LRRTM4: variants seen among roughly 807,000 people sequenced by gnomAD.
The protein encoded by LRRTM4 is leucine rich repeat transmembrane neuronal 4.
LRRTM4 carries 25 observed loss-of-function variants against 47.6 expected under a neutral mutation model. That is an observed-to-expected ratio of 0.53 (90% confidence interval 0.38 to 0.73). The LOEUF is 0.73. LRRTM4 is among the 30% of genes least tolerant of loss of function. LRRTM4 has a pLI of 0.00. For missense variants in LRRTM4, 638 were observed against 713.4 expected (o/e 0.89, Z 1.20); for synonymous variants, 311 against 269.5 (o/e 1.15, Z -1.51).
intron 3 of LRRTM4, among the ~76,000 whole-genome samples, chr2:77,211,010 C>A (rs1181735366): frequency 2.0e-5 from 3 of 152,134 alleles, no homozygotes; most frequent in Non-Finnish European, 4.4e-5. Flanking sequence ...ATGACTCCAA[C>A]AGAAAAAAGC....
chr2:77,073,988 T>A (rs1445904583), intron 3 of LRRTM4, among the ~76,000 whole-genome samples: 1 of 152,108 alleles, frequency 6.6e-6, no homozygotes, highest in Non-Finnish European at 1.5e-5. Context: ...TTCTACATGG[T>A]TCTTCTTATA....
intron 3 of LRRTM4, among the ~76,000 whole-genome samples, chr2:76,954,304 T>A (rs1675598417): frequency 6.6e-6 from 1 of 151,144 alleles, no homozygotes; most frequent in African/African-American, 2.4e-5. Flanking sequence ...ACCAATAAGC[T>A]CAGAAAACAA....
intron 3 of LRRTM4, among the ~76,000 whole-genome samples, chr2:77,325,644 G>A (rs1670740873): frequency 6.6e-6 from 1 of 152,118 alleles, no homozygotes; most frequent in African/African-American, 2.4e-5. Context: ...TATGTTGAGT[G>A]TGGGAACTTT....
At chr2:77,098,187 T>G (rs2103904271) in intron 3 of LRRTM4, among the ~76,000 whole-genome samples, 1 of 152,114 alleles carries the variant, frequency 6.6e-6, no homozygotes, top group Non-Finnish European at 1.5e-5. Context: ...AAAAAAATTT[T>G]GTGGAAGAAG....
At chr2:76,881,041 TG>T (rs372537140) in intron 3 of LRRTM4, among the ~76,000 whole-genome samples, 32 of 152,262 alleles carry the variant, frequency 2.1e-4, no homozygotes, top group African/African-American at 7.2e-4. Context: ...TACCGTAGGA[TG>T]GCTATAGTTG....
intron 3 of LRRTM4, among the ~76,000 whole-genome samples, chr2:77,068,613 A>G (rs974068353): frequency 1.3e-5 from 2 of 152,192 alleles, no homozygotes; most frequent in African/African-American, 4.8e-5. Flanking sequence ...ACGTTCTTCT[A>G]TGTTATAGCA....
chr2:76,758,860 G>A (rs1227846513), intron 3 of LRRTM4, among the ~76,000 whole-genome samples: 2 of 152,220 alleles, frequency 1.3e-5, no homozygotes, highest in East Asian at 1.9e-4. Context: ...AACCCATACA[G>A]TCTCTACCAT....
At chr2:76,874,997 C>T (rs185639134) in intron 3 of LRRTM4, among the ~76,000 whole-genome samples, 1 of 151,882 alleles carries the variant, frequency 6.6e-6, no homozygotes, top group Non-Finnish European at 1.5e-5. Context: ...AGCTTATATG[C>T]CTGCCAATAT....
intron 3 of LRRTM4, among the ~76,000 whole-genome samples, chr2:76,909,509 T>C (rs1357324303): frequency 6.6e-6 from 1 of 151,874 alleles, no homozygotes; most frequent in Non-Finnish European, 1.5e-5. Context: ...CTCATTAAAC[T>C]AAAGAGCTTC....
intron 3 of LRRTM4, among the ~76,000 whole-genome samples, chr2:77,374,035 C>T (rs761256205): frequency 2.2e-4 from 33 of 151,792 alleles, no homozygotes; most frequent in Non-Finnish European, 3.2e-4. Context: ...CACTTTTCCA[C>T]TGGCTAAGAT....
chr2:77,431,022 G>A (rs1675354163), intron 3 of LRRTM4, among the ~76,000 whole-genome samples: 1 of 148,802 alleles, frequency 6.7e-6, no homozygotes, highest in Admixed American at 6.6e-5. Flanking sequence ...TTTAGACTCT[G>A]GAACTGGCAT....
At chr2:77,370,491 C>T (rs1193436466) in intron 3 of LRRTM4, among the ~76,000 whole-genome samples, 2 of 151,428 alleles carry the variant, frequency 1.3e-5, no homozygotes, top group Admixed American at 6.6e-5. Flanking sequence ...TTCTCAGTGG[C>T]TTCACTCATT....
intron 3 of LRRTM4, among the ~76,000 whole-genome samples, chr2:77,035,126 A>G (rs904854570): frequency 1.3e-5 from 2 of 151,658 alleles, no homozygotes; most frequent in African/African-American, 4.8e-5. Context: ...GGTTTGTTAC[A>G]TATGTATACA....
intron 3 of LRRTM4, among the ~76,000 whole-genome samples, chr2:77,011,165 T>C (rs1677857383): frequency 6.6e-6 from 1 of 152,068 alleles, no homozygotes; most frequent in African/African-American, 2.4e-5. Flanking sequence ...AAGAAAGAGA[T>C]AAAAATAGTT....
At chr2:77,423,966 C>T (rs974753871) in intron 3 of LRRTM4, among the ~76,000 whole-genome samples, 3 of 152,038 alleles carry the variant, frequency 2.0e-5, no homozygotes, top group Non-Finnish European at 4.4e-5. Context: ...CAGCTGTATC[C>T]ATTAAGCTGT....
chr2:77,155,734 T>A (rs2103795106), intron 3 of LRRTM4, among the ~76,000 whole-genome samples: 1 of 152,176 alleles, frequency 6.6e-6, no homozygotes, highest in African/African-American at 2.4e-5. Flanking sequence ...TCTGGAAGGT[T>A]ACGGGAGGGG....
At chr2:77,335,069 T>C (rs544381916) in intron 3 of LRRTM4, among the ~76,000 whole-genome samples, 17 of 152,344 alleles carry the variant, frequency 1.1e-4, no homozygotes, top group East Asian at 1.9e-4. Flanking sequence ...TAAGTTGTTA[T>C]AGATACTAGT....
chr2:77,323,675 G>A (rs1334931429), intron 3 of LRRTM4, among the ~76,000 whole-genome samples: 1 of 152,054 alleles, frequency 6.6e-6, no homozygotes. Context: ...GAGGTTAAAT[G>A]GCTTACTTAA....
At chr2:76,844,617 C>T (rs1390998358) in intron 3 of LRRTM4, among the ~76,000 whole-genome samples, 1 of 149,812 alleles carries the variant, frequency 6.7e-6, no homozygotes, top group Non-Finnish European at 1.5e-5. Context: ...AAGAAGCAAA[C>T]AATGTACCAT....
Sources: allele counts gnomAD v4.1 joint callset (sites outside exome capture counted in the v4.1 genomes callset), GRCh38; gene constraint gnomAD v4.1.1; transcripts MANE v1.5; gene names NCBI Gene and HGNC (gene_info 2026-07-23, HGNC 2026-07-21).